The following SLC16A1 variants were observed in gnomAD, a reference collection of about 807,000 sequenced individuals.
The protein encoded by SLC16A1 is solute carrier family 16 member 1.
In SLC16A1, 11 loss-of-function variants were observed where a neutral mutation model predicts 32.2. The observed-to-expected ratio is 0.34, with a 90% CI of 0.21 to 0.56. SLC16A1 has a LOEUF of 0.56. Among genes scored for constraint, SLC16A1 ranks in the 20% least tolerant of loss-of-function variants. The probability of loss-of-function intolerance (pLI) is 0.87; values close to 1 mark genes in which losing one functional copy is unlikely to be tolerated. For missense variants in SLC16A1, 435 were observed against 615.0 expected, an observed-to-expected ratio of 0.71 and a Z score of 3.10; for synonymous variants, 231 against 226.8, an observed-to-expected ratio of 1.02 and a Z score of -0.17.
intron 1 of SLC16A1, among the ~76,000 whole-genome samples, chr1:112,945,480 G>A (rs1265096734): frequency 5.9e-5 from 9 of 151,368 alleles, no homozygotes; most frequent in Non-Finnish European, 8.8e-5. Context: ...CTTGAGACCA[G>A]CCTGGCCAAC....
At chr1:112,936,333 C>A (rs1275489237) in intron 1 of SLC16A1, among the ~76,000 whole-genome samples, 2 of 151,784 alleles carry the variant, frequency 1.3e-5, no homozygotes, top group African/African-American at 2.4e-5. Flanking sequence ...AATGGTGAAA[C>A]CCCAACTCTA....
chr1:112,937,765 G>A (rs1649355124), intron 1 of SLC16A1, among the ~76,000 whole-genome samples: 1 of 143,666 alleles, frequency 7.0e-6, no homozygotes, highest in Non-Finnish European at 1.5e-5. Flanking sequence ...AATATGCACA[G>A]TAGCTTTCCT....
At chr1:112,930,949 C>T (rs868149329) in intron 1 of SLC16A1, among the ~76,000 whole-genome samples, 19 of 152,122 alleles carry the variant, frequency 1.2e-4, no homozygotes, top group African/African-American at 4.1e-4. Flanking sequence ...GAACTCCTGA[C>T]CTCAGGTGAT....
chr1:112,945,922 C>T (rs1003483939), intron 1 of SLC16A1, among the ~76,000 whole-genome samples: 4 of 151,930 alleles, frequency 2.6e-5, no homozygotes, highest in African/African-American at 4.8e-5. Context: ...AACCCAGAGG[C>T]GGAGATTGAG....
At chr1:112,921,167 T>G (rs977179469) in intron 3 of SLC16A1, among the ~76,000 whole-genome samples, 15 of 144,750 alleles carry the variant, frequency 1.0e-4, no homozygotes, top group East Asian at 8.3e-4. Context: ...GAAAAGAAAA[T>G]AAGGATTAAA....
chr1:112,931,501 C>T (rs1452259202), intron 1 of SLC16A1, among the ~76,000 whole-genome samples: 1 of 151,666 alleles, frequency 6.6e-6, no homozygotes, highest in Non-Finnish European at 1.5e-5. Flanking sequence ...CAAAAATTAG[C>T]CAGGCATGGT....
chr1:112,916,938 G>GA (rs1648532957), intron 4 of SLC16A1, among the ~76,000 whole-genome samples: 2 of 151,918 alleles, frequency 1.3e-5, no homozygotes, highest in African/African-American at 4.8e-5. Flanking sequence ...CAAAAAAAAA[G>GA]AAAAAACACT....
chr1:112,938,404 C>T (rs1649383732), intron 1 of SLC16A1, among the ~76,000 whole-genome samples: 1 of 152,108 alleles, frequency 6.6e-6, no homozygotes, highest in Admixed American at 6.6e-5. Context: ...ACCTCACTTT[C>T]GTTTCTTTTC....
chr1:112,936,684 T>G (rs1247962597), intron 1 of SLC16A1, among the ~76,000 whole-genome samples: 3 of 152,076 alleles, frequency 2.0e-5, no homozygotes, highest in African/African-American at 4.8e-5. Flanking sequence ...AGAAATGGGA[T>G]GAATAAGAGA....
chr1:112,917,150 C>A lies in SLC16A1; in HGVS notation c.1228+28G>T, dbSNP rs765665967. On this transcript the variant is annotated intron_variant, in intron 4 of 4. Coordinates refer to ENST00000369626, the MANE Select transcript of SLC16A1 (RefSeq NM_003051.4). This position sits in a 1 kb window ranked among gnomAD's most constrained non-coding sequence, Gnocchi z 4.1. ...TCTTACATGCTTGTTTTGTAATAGACCCACATTAGTAGGGAGATATACTAT... is the reference window on the plus strand; with the variant it reads ...TCTTACATGCTTGTTTTGTAATAGAACCACATTAGTAGGGAGATATACTAT... 1.3e-5 allele frequency: 21 copies of A among 1,613,770 alleles called. No homozygotes were observed. The highest frequency in any genetic ancestry group is 1.6e-5 in the Non-Finnish European group (19 of 1,179,894).
chr1:112,948,653 G>A (rs1030491753), intron 1 of SLC16A1, among the ~76,000 whole-genome samples: 3 of 149,588 alleles, frequency 2.0e-5, no homozygotes, highest in South Asian at 2.1e-4. Context: ...ACAGGCAACC[G>A]CCATCATGCC....
At chr1:112,938,736 A>T (rs943809868) in intron 1 of SLC16A1, among the ~76,000 whole-genome samples, 3 of 152,224 alleles carry the variant, frequency 2.0e-5, no homozygotes, top group Non-Finnish European at 4.4e-5. Context: ...CCTATCTTTC[A>T]GAATTCTGTT....
intron 1 of SLC16A1, among the ~76,000 whole-genome samples, chr1:112,949,901 G>A (rs1239807750): frequency 2.0e-5 from 3 of 152,044 alleles, no homozygotes; most frequent in Non-Finnish European, 4.4e-5. Flanking sequence ...TACTTTAATT[G>A]CAATTAACAA....
intron 1 of SLC16A1, among the ~76,000 whole-genome samples, chr1:112,930,068 T>C (rs1246693739): frequency 6.6e-6 from 1 of 152,224 alleles, no homozygotes; most frequent in Non-Finnish European, 1.5e-5. Flanking sequence ...TAGTAAGCGT[T>C]TCCCTGAGTT....
At position 112,922,027 on chromosome 1, in the gene SLC16A1, G is replaced by A. The variant is rs147057122; in HGVS notation, c.324C>T (p.Thr108=). The part of the protein sequence containing the change: ...CGLIAASFCN[T]VQQLYVCIGV... ...CAATACAGACGTATAGTTGCTGTACGGTGTTACAGAAAGAAGCTGCAATCA... is the reference window on the plus strand; with the variant it reads ...CAATACAGACGTATAGTTGCTGTACAGTGTTACAGAAAGAAGCTGCAATCA... Residue 108 remains threonine (T), a synonymous_variant, in exon 3 of 5, where the codon ACC becomes ACT. Transcript: ENST00000369626. The A allele has an allele frequency of 1.4e-4, 224 of 1,614,010 alleles. No individual in the cohort carries two copies. Among genetic ancestry groups the A allele is most frequent in the Non-Finnish European group, 1.8e-4 (216 of 1,180,022 alleles).
In SLC16A1 at chr1:112,913,208, G is replaced by C. The variant is rs1648383095; in HGVS notation, c.*683C>G. 6.6e-6 allele frequency: 1 copy of C among 152,422 alleles called. No homozygotes were observed. 9.4% of individuals were successfully genotyped at this position (152,422 alleles called of 1,614,324 possible). A position where few individuals can be genotyped will look rare whatever the true frequency, so the allele number is the denominator to read the frequency against. The stretch of plus-strand genomic sequence containing the variant: ...AAACAAACCTTAAGCACTTTACTTG[G>C]CTTCTAATAAGCATCCCAAGAAAAG... On this transcript the variant is annotated 3_prime_UTR_variant, in exon 5 of 5. Transcript: ENST00000369626.
chr1:112,913,980 C>T lies in SLC16A1; in HGVS notation c.1414G>A (p.Gly472Arg), dbSNP rs72552271. 131 of 1,614,162 alleles carry T rather than the reference C, an allele frequency of 8.1e-5. 2 individuals carry two copies. The African/African-American group carries it at 1.5e-3, about 18-fold the overall frequency. The change falls in exon 5 of 5, where the codon GGG becomes AGG. Residue 472 changes from glycine to arginine, a missense_variant. Gly to Arg is a moderately radical substitution (Grantham distance 125). Coordinates refer to ENST00000369626, the MANE Select transcript of SLC16A1 (RefSeq NM_003051.4). ...GCTTTGGTAACTTCATTTGGCTTCC[C>T]AGCAACATCTATACTGGTCTCTTCC... ...KEEETSIDVA[G>R]KPNEVTKAAE...
chr1:112,951,804 G>A (rs759661864), intron 1 of SLC16A1, among the ~76,000 whole-genome samples: 44 of 152,040 alleles, frequency 2.9e-4, no homozygotes, highest in Admixed American at 1.4e-3. Context: ...TCCAGAAAAC[G>A]ACAGTGTCTC....
rs1299515506 is a variant in SLC16A1 at position 112,951,781 on chromosome 1, A to C, written c.-45+4254T>G. Among the ~76,000 whole-genome samples, 5 of 152,222 alleles carry C rather than the reference A, an allele frequency of 3.3e-5. No individual in the cohort carries two copies. In the East Asian group the frequency reaches 9.6e-4, roughly 29 times the overall value. ...CTTTTAAGAGGATATACCTCAATAC[A>C]TTTAAATACATTTCCAGAAAACGAC... On this transcript the variant is annotated intron_variant, in intron 1 of 4. Coordinates refer to ENST00000369626, the MANE Select transcript of SLC16A1 (RefSeq NM_003051.4).
Sources: allele counts gnomAD v4.1 joint callset (sites outside exome capture counted in the v4.1 genomes callset), GRCh38; gene constraint gnomAD v4.1.1; non-coding constraint Gnocchi (gnomAD v3.1); transcripts MANE v1.5; gene names NCBI Gene and HGNC (gene_info 2026-07-23, HGNC 2026-07-21).